The following ADAMTS7 variants were observed in gnomAD, a reference collection of about 807,000 sequenced individuals.
The protein encoded by ADAMTS7 is ADAM metallopeptidase with thrombospondin type 1 motif 7.
ADAMTS7 carries 89 observed loss-of-function variants against 172.6 expected under a neutral mutation model. The observed-to-expected ratio is 0.52, with a 90% CI of 0.43 to 0.61. ADAMTS7 has a LOEUF of 0.61. Among genes scored for constraint, ADAMTS7 ranks in the 20% least tolerant of loss-of-function variants. The pLI, the probability that ADAMTS7 is intolerant of heterozygous loss-of-function variation, is 0.00. For missense variants in ADAMTS7, 1,973 were observed against 2,355.6 expected, an observed-to-expected ratio of 0.84 and a Z score of 3.36; for synonymous variants, 885 against 978.4, an observed-to-expected ratio of 0.90 and a Z score of 1.78.
In ADAMTS7 at chr15:78,777,474, C is replaced by G; in HGVS notation, c.1437G>C (p.Gly479=). The change falls in exon 9 of 24, where the codon GGG becomes GGC. Residue 479 remains glycine (G), a synonymous_variant. Coordinates refer to ENST00000388820, the MANE Select transcript of ADAMTS7 (RefSeq NM_014272.5). ...TGTCCTCGCAGAAGGCAGAGTAGGCCCCGTACTGGAGGCGGCACTGGTGGC... is the reference window on the plus strand; with the variant it reads ...TGTCCTCGCAGAAGGCAGAGTAGGCGCCGTACTGGAGGCGGCACTGGTGGC... ...DVSHQCRLQY[G]AYSAFCEDMD... The G allele has an allele frequency of 6.2e-7, 1 of 1,613,060 alleles. No homozygotes were observed. Among genetic ancestry groups the G allele is most frequent in the Non-Finnish European group, 8.5e-7 (1 of 1,179,642 alleles).
Position 78,766,249 on chromosome 15 carries a change from T to C in ADAMTS7, c.3662A>G (p.Asp1221Gly). Residue 1221 changes from aspartate (D) to glycine (G), a missense_variant, in exon 19 of 24, where the codon GAT (aspartate) becomes GGT (glycine). Transcript: ENST00000388820. ...RDRTNEVFKD[D>G]EEPKGRGAPH... ...TGCTCCTCGGCCCTTGGGTTCCTCATCATCCTTGAAAACCTCATTGGTCCT... is the reference window on the plus strand; with the variant it reads ...TGCTCCTCGGCCCTTGGGTTCCTCACCATCCTTGAAAACCTCATTGGTCCT... 1 of 1,611,702 alleles carries C rather than the reference T, an allele frequency of 6.2e-7. No individual in the cohort carries two copies. Among genetic ancestry groups the C allele is most frequent in the Non-Finnish European group, 8.5e-7 (1 of 1,179,744 alleles).
At chr15:78,762,603 C>G (rs539958080) in intron 22 of ADAMTS7, 38 bp from the exon 23 acceptor site, 1 of 1,255,298 alleles carries the variant, frequency 8.0e-7, no homozygotes, top group South Asian at 1.7e-5. Context: ...TCTCCAGGGC[C>G]AGCCCTAGCA....
chr15:78,761,786 GC>G, intron 23 of ADAMTS7: 1 of 952,324 alleles, frequency 1.1e-6, no homozygotes, highest in Non-Finnish European at 1.3e-6. Context: ...GCTGGAGGCG[GC>G]GGCAGGGGTG....
intron 16 of ADAMTS7, among the ~76,000 whole-genome samples, chr15:78,768,978 G>C (rs925817550): frequency 6.6e-6 from 1 of 152,210 alleles, no homozygotes; most frequent in African/African-American, 2.4e-5. Context: ...GCAGGATGAA[G>C]TCAACCTCAT....
chr15:78,759,742 T>G (rs1393635822), intron 23 of ADAMTS7, among the ~76,000 whole-genome samples, 164 bp from the exon 24 acceptor site: 2 of 152,274 alleles, frequency 1.3e-5, no homozygotes, highest in East Asian at 3.9e-4. Context: ...CTCCAACTGT[T>G]GCTGTCTCTG....
In ADAMTS7 at chr15:78,765,947, G is replaced by A. The variant is rs764598184; in HGVS notation, c.3964C>T (p.Pro1322Ser). ...ACAGTCTGCAGGTCCCATGAGCCTG[G>A]TCCTGGGGTTGGGAAGGAGGGAGTC... ...PGTPSFPTPG[P>S]GSWDLQTVAV... Residue 1322 changes from proline to serine, a missense_variant, in exon 19 of 24, where the codon CCA (proline) becomes TCA (serine). Physicochemically the swap from Pro to Ser is moderately conservative, Grantham distance 74 (BLOSUM62 -1). This residue lies in a region of ADAMTS7 where 771 missense variants were observed against 952.6 expected (regional missense o/e 0.81). Transcript: ENST00000388820. The A allele has an allele frequency of 2.5e-5, 39 of 1,588,992 alleles. 1 individual carries two copies. The South Asian group carries it at 3.8e-4, about 15-fold the overall frequency.
chr15:78,799,696 A>T (rs1217226104), intron 2 of ADAMTS7, among the ~76,000 whole-genome samples: 1 of 152,170 alleles, frequency 6.6e-6, no homozygotes, highest in African/African-American at 2.4e-5. Context: ...CTGGACCTGC[A>T]TCTTCAATAT....
intron 7 of ADAMTS7, 64 bp downstream of exon 7, chr15:78,789,624 CG>C: frequency 6.3e-7 from 1 of 1,588,874 alleles, no homozygotes; most frequent in Non-Finnish European, 8.6e-7. Flanking sequence ...GCTGGATACC[CG>C]GTGCCCCCAG....
chr15:78,803,906 A>G (rs1414653573), intron 1 of ADAMTS7, among the ~76,000 whole-genome samples: 1 of 152,256 alleles, frequency 6.6e-6, no homozygotes, highest in Non-Finnish European at 1.5e-5. Flanking sequence ...ATTGAGGGAA[A>G]TGCTAAATTT....
intron 3 of ADAMTS7, among the ~76,000 whole-genome samples, chr15:78,797,190 C>T (rs1352299008): frequency 1.3e-5 from 2 of 152,184 alleles, no homozygotes; most frequent in African/African-American, 4.8e-5. Context: ...ACAGGCTGAC[C>T]CCACCCTCTA....
rs2055646811 is a variant in ADAMTS7, at chr15:78,796,608, C to A, written c.801G>T (p.Val267=). The part of the protein sequence containing the change: ...YHGQPQVESY[V]LTIMNMVAGL... Reference sequence around the variant, plus strand: ...GACTCACCATGTTCATGATGGTCAGCACATAGCTCTCAACCTGCGGCTGTC... The same window carrying A: ...GACTCACCATGTTCATGATGGTCAGAACATAGCTCTCAACCTGCGGCTGTC... The change falls in exon 4 of 24, where the codon GTG becomes GTT. Residue 267 remains valine, a synonymous_variant. Transcript: ENST00000388820. 6.2e-7 allele frequency: 1 copy of A among 1,613,556 alleles called. No homozygotes were observed. The highest frequency in any genetic ancestry group is 1.3e-5 in the African/African-American group (1 of 74,908).
At chr15:78,773,334 C>G in intron 13 of ADAMTS7, 131 bp from the exon 14 acceptor site, 2 of 743,340 alleles carry the variant, frequency 2.7e-6, no homozygotes, top group East Asian at 5.4e-5. Context: ...TGGCCCTGCC[C>G]CACCTCAGCT....
At chr15:78,773,543 T>G (rs1284134067) in intron 13 of ADAMTS7, among the ~76,000 whole-genome samples, 4 of 151,848 alleles carry the variant, frequency 2.6e-5, no homozygotes, top group Non-Finnish European at 4.4e-5. Context: ...GCAGGGAATT[T>G]CAACGTCAAA....
intron 3 of ADAMTS7, 22 bp from the exon 4 acceptor site, chr15:78,796,808 A>T (rs1378230554): frequency 6.3e-7 from 1 of 1,592,216 alleles, no homozygotes; most frequent in African/African-American, 1.3e-5. Flanking sequence ...GATGGGGTGG[A>T]GTTAGCTGCC....
intron 23 of ADAMTS7, among the ~76,000 whole-genome samples, chr15:78,760,276 C>G (rs1422019300): frequency 6.6e-6 from 1 of 152,210 alleles, no homozygotes; most frequent in South Asian, 2.1e-4. Flanking sequence ...CCGTGGTTAT[C>G]AGAGCTATTT....
In ADAMTS7 at chr15:78,796,801, G is replaced by C. The variant is rs1219299511; in HGVS notation, c.623-15C>G. ...CTCTGGGTACACTGGAGGCCCAGAT[G>C]GGGTGGAGTTAGCTGCCAGTGGACA... On this transcript the variant is annotated splice_polypyrimidine_tract_variant and intron_variant, in intron 3 of 23. Coordinates refer to ENST00000388820, the MANE Select transcript of ADAMTS7 (RefSeq NM_014272.5). 3 of 1,599,460 alleles carry C rather than the reference G, an allele frequency of 1.9e-6. No individual in the cohort carries two copies. Among genetic ancestry groups the C allele is most frequent in the Non-Finnish European group, 2.6e-6 (3 of 1,175,722 alleles).
At position 78,765,648 on chromosome 15, in the gene ADAMTS7, G is replaced by A. The variant is rs371569513; in HGVS notation, c.4263C>T (p.Ser1421=). 1.9e-5 allele frequency: 30 copies of A among 1,607,748 alleles called. 1 individual carries two copies. Among genetic ancestry groups the A allele is most frequent in the Non-Finnish European group, 2.3e-5 (27 of 1,178,378 alleles). ...RNAGWQAGNW[S]ECSTTCGLGA... is the part of the protein sequence containing the mutation. ...CCGCCCAGCCCACACCACTTGCCTC[G>A]CTCCAGTTTCCCGCTTGCCAGCCGG... is the stretch of plus-strand genomic sequence containing the variant. Residue 1421 remains serine (S), a synonymous_variant, in exon 19 of 24, where the codon AGC becomes AGT. Coordinates refer to ENST00000388820, the MANE Select transcript of ADAMTS7 (RefSeq NM_014272.5).
Position 78,800,317 on chromosome 15 carries a change from G to T in ADAMTS7, c.331C>A (p.Arg111=). Residue 111 remains arginine, a synonymous_variant, in exon 2 of 24, where the codon CGG becomes AGG. Transcript: ENST00000388820. ...GCGCGGCCCAGGCCGCCGCGCCGCC[G>T]CGTCTCGCTCACAAAGCCGGGCGCC... ...LLAPGFVSET[R]RRGGLGRAHI... 2 of 1,594,926 alleles carry T rather than the reference G, an allele frequency of 1.3e-6. No homozygotes were observed. Among genetic ancestry groups the T allele is most frequent in the Middle Eastern group, 2.2e-4 (1 of 4,504 alleles).
chr15:78,771,378 G>A lies in ADAMTS7; in HGVS notation c.2377-75C>T. The stretch of plus-strand genomic sequence containing the variant: ...CCCAGTCCTAAAGGAGCTGACCCCA[G>A]CCACCTCTGTGAACTGCAGCTACAA... On this transcript the variant is annotated intron_variant, in intron 15 of 23. Coordinates refer to ENST00000388820, the MANE Select transcript of ADAMTS7 (RefSeq NM_014272.5). This position sits in a 1 kb window ranked among gnomAD's most constrained non-coding sequence, Gnocchi z 4.9. 6.2e-7 allele frequency: 1 copy of A among 1,604,104 alleles called. No homozygotes were observed. The highest frequency in any genetic ancestry group is 8.5e-7 in the Non-Finnish European group (1 of 1,174,892).
Sources: allele counts gnomAD v4.1 joint callset (sites outside exome capture counted in the v4.1 genomes callset), GRCh38; gene constraint gnomAD v4.1.1; regional missense constraint gnomAD v4.1.1; non-coding constraint Gnocchi (gnomAD v3.1); transcripts MANE v1.5; gene names NCBI Gene and HGNC (gene_info 2026-07-23, HGNC 2026-07-21).